ZEB2: variants seen among roughly 807,000 people sequenced by gnomAD.
ZEB2 encodes zinc finger E-box-binding homeobox 2.
A neutral mutation model predicts 99.9 loss-of-function variants in ZEB2; 6 were observed. The ratio of observed to expected loss-of-function variants is 0.06; its 90% confidence interval spans 0.03 to 0.12. The LOEUF (loss-of-function observed/expected upper bound fraction) is 0.12, where lower values mean the gene tolerates loss of function less well. ZEB2 is among the 10% of genes least tolerant of loss of function. The pLI is 1.00. For missense variants in ZEB2, 969 were observed against 1,502.8 expected, an observed-to-expected ratio of 0.64 and a Z score of 5.87; for synonymous variants, 517 against 542.5, an observed-to-expected ratio of 0.95 and a Z score of 0.65.
rs575356330 is a variant in ZEB2 at position 144,507,775 on chromosome 2, T to C, written c.73+9503A>G. Among the ~76,000 whole-genome samples the C allele has an allele frequency of 2.0e-5, 3 of 152,274 alleles. No homozygotes were observed. In the East Asian group the frequency reaches 5.8e-4, roughly 29 times the overall value. ...TTTCTCTTTTCAGATCCTCTAACTT[T>C]CCTGTCAGAAGCCTGAAAAAATATG... On this transcript the variant is annotated intron_variant, in intron 2 of 9. Coordinates refer to ENST00000627532, the MANE Select transcript of ZEB2 (RefSeq NM_014795.4).
chr2:144,431,831 A>C, intron 2 of ZEB2, among the ~76,000 whole-genome samples: 1 of 136,294 alleles, frequency 7.3e-6, no homozygotes. Flanking sequence ...TGCTGGGGGT[A>C]GGGGGGAGTG....
At chr2:144,478,302 AT>A (rs1212575746) in intron 2 of ZEB2, among the ~76,000 whole-genome samples, 2 of 152,198 alleles carry the variant, frequency 1.3e-5, no homozygotes, top group Admixed American at 6.5e-5. Context: ...TTGCATCTAA[AT>A]TTTTTAAGTG....
At chr2:144,499,157 G>T (rs1704832787) in intron 2 of ZEB2, among the ~76,000 whole-genome samples, 3 of 152,156 alleles carry the variant, frequency 2.0e-5, no homozygotes, top group Admixed American at 6.5e-5. Context: ...AGATCATTTT[G>T]CAGAATGCCA....
chr2:144,395,993 C>T (rs112045067), intron 9 of ZEB2, among the ~76,000 whole-genome samples: 63 of 151,528 alleles, frequency 4.2e-4, no homozygotes, highest in African/African-American at 1.5e-3. Context: ...TAAATTATGG[C>T]TTTCTTGGTG....
At chr2:144,513,406 CCCCAA>C in intron 2 of ZEB2, 1 of 1,379,366 alleles carries the variant, frequency 7.2e-7, no homozygotes, top group Non-Finnish European at 9.5e-7. Context: ...TTCACACTGT[CCCCAA>C]CCCTTTAGTG....
At chr2:144,467,251 T>C (rs546813555) in intron 2 of ZEB2, among the ~76,000 whole-genome samples, 2 of 152,254 alleles carry the variant, frequency 1.3e-5, no homozygotes, top group South Asian at 2.1e-4. Flanking sequence ...GGTTTAAACA[T>C]TTTTCCTCTT....
intron 2 of ZEB2, among the ~76,000 whole-genome samples, chr2:144,448,214 T>C (rs1323453889): frequency 6.6e-6 from 1 of 152,106 alleles, no homozygotes; most frequent in Admixed American, 6.5e-5. Flanking sequence ...CGTTTCTAAG[T>C]TGGATAAAGG....
At chr2:144,507,227 G>C (rs116653250) in intron 2 of ZEB2, among the ~76,000 whole-genome samples, 3,536 of 152,166 alleles carry the variant, frequency 0.023, 58 homozygotes, top group South Asian at 0.047. Context: ...GGTTTAAGAT[G>C]AAATCATACA....
At chr2:144,425,027 C>T in intron 3 of ZEB2, 160 bp from the exon 4 acceptor site, 1 of 700,772 alleles carries the variant, frequency 1.4e-6, no homozygotes, top group South Asian at 1.7e-5. Flanking sequence ...TTGAATGAAT[C>T]CAATAGTGCT....
chr2:144,427,039 A>G (rs1409968815), intron 3 of ZEB2: 1 of 152,184 alleles, frequency 6.6e-6, no homozygotes, highest in Non-Finnish European at 1.5e-5. Flanking sequence ...CCTCTGACTC[A>G]GCATACTGTG....
chr2:144,439,548 A>C (rs887216942), intron 2 of ZEB2, among the ~76,000 whole-genome samples: 1 of 152,266 alleles, frequency 6.6e-6, no homozygotes, highest in Non-Finnish European at 1.5e-5. Flanking sequence ...GTGAGAAAAC[A>C]GCCTTTGCTT....
At chr2:144,476,877 T>C (rs1225873987) in intron 2 of ZEB2, among the ~76,000 whole-genome samples, 1 of 152,216 alleles carries the variant, frequency 6.6e-6, no homozygotes. Flanking sequence ...CTTGACATCA[T>C]CAAAATCCTC....
intron 2 of ZEB2, among the ~76,000 whole-genome samples, chr2:144,483,745 C>G (rs72992185): frequency 0.08 from 12,164 of 152,116 alleles, 618 homozygotes; most frequent in South Asian, 0.19. Context: ...GAGTCAGGAG[C>G]CAAACCATCT....
chr2:144,481,629 T>C (rs1470142972), intron 2 of ZEB2, among the ~76,000 whole-genome samples: 1 of 152,180 alleles, frequency 6.6e-6, no homozygotes, highest in Non-Finnish European at 1.5e-5. Context: ...AATTACAAAA[T>C]AGAATCTACA....
intron 2 of ZEB2, chr2:144,464,173 T>C (rs1008596001): frequency 5.3e-5 from 8 of 152,200 alleles, no homozygotes. Context: ...TACCTCTCTA[T>C]CCTTAGGGAG....
intron 2 of ZEB2, among the ~76,000 whole-genome samples, chr2:144,479,682 T>TGG (rs140945730): frequency 0.12 from 3,455 of 29,422 alleles, 510 homozygotes; most frequent in East Asian, 0.14. Context: ...CTACTTTTTT[T>TGG]TGGGGGGGGG....
chr2:144,511,376 A>G (rs747020855), intron 2 of ZEB2: 8 of 1,191,900 alleles, frequency 6.7e-6, no homozygotes, highest in East Asian at 5.8e-5. Flanking sequence ...GCATAAAAAC[A>G]CTACAGAACA....
At chr2:144,487,820 G>A (rs985169230) in intron 2 of ZEB2, among the ~76,000 whole-genome samples, 1 of 152,114 alleles carries the variant, frequency 6.6e-6, no homozygotes, top group East Asian at 1.9e-4. Context: ...CTGTGAAAAA[G>A]AACTAGGGCC....
At chr2:144,496,750 G>A (rs1424436787) in intron 2 of ZEB2, 1 of 152,012 alleles carries the variant, frequency 6.6e-6, no homozygotes, top group African/African-American at 2.4e-5. Flanking sequence ...TTATTGTTGG[G>A]GCGAGATCAG....
Sources: allele counts gnomAD v4.1 joint callset (sites outside exome capture counted in the v4.1 genomes callset), GRCh38; gene constraint gnomAD v4.1.1; transcripts MANE v1.5; gene names NCBI Gene and HGNC (gene_info 2026-07-23, HGNC 2026-07-21).